DNAH10: variants seen among roughly 807,000 people sequenced by gnomAD.
The protein encoded by DNAH10 is dynein axonemal heavy chain 10, also known as axonemal beta dynein heavy chain 10.
A neutral mutation model predicts 506.6 loss-of-function variants in DNAH10; 348 were observed. The observed-to-expected ratio is 0.69, with a 90% CI of 0.63 to 0.75. DNAH10 has a LOEUF of 0.75. Among genes scored for constraint, DNAH10 ranks in the 30% least tolerant of loss-of-function variants. DNAH10 has a pLI of 0.00. For missense variants in DNAH10, 5,179 were observed against 5,787.1 expected (o/e 0.89, Z 3.41); for synonymous variants, 2,059 against 2,198.6 (o/e 0.94, Z 1.78).
Position 123,914,315 on chromosome 12 carries a change from T to C in DNAH10, c.10353-14T>C. On this transcript the variant is annotated splice_polypyrimidine_tract_variant and intron_variant, in intron 60 of 78. Transcript: ENST00000673944. ...AGGTAAACTCACGGCAGCCTCCCTC[T>C]CCTCCCGTGCCAGGTGGCTGAACGA... 1 of 1,607,304 alleles carries C rather than the reference T, an allele frequency of 6.2e-7. No homozygotes were observed. Among genetic ancestry groups the C allele is most frequent in the South Asian group, 1.1e-5 (1 of 90,530 alleles).
intron 32 of DNAH10, 92 bp from the exon 33 acceptor site, chr12:123,847,869 C>T (rs1951018967): frequency 5.4e-6 from 8 of 1,485,772 alleles, no homozygotes; most frequent in Non-Finnish European, 7.2e-6. Flanking sequence ...TTTCTCTATT[C>T]TGCACCTATA....
chr12:123,868,265 C>T (rs1002718524), intron 43 of DNAH10, 146 bp downstream of exon 43: 1 of 749,854 alleles, frequency 1.3e-6, no homozygotes, highest in Middle Eastern at 3.8e-4. Context: ...GGTCAGAGCA[C>T]ATGGCGGAAC....
At chr12:123,858,500 G>A (rs1239666366) in intron 37 of DNAH10, among the ~76,000 whole-genome samples, 1 of 152,268 alleles carries the variant, frequency 6.6e-6, no homozygotes, top group East Asian at 1.9e-4. Context: ...ATAAAATGGT[G>A]CAGCCACTTT....
chr12:123,919,051 ATTTTTTC>A lies in DNAH10; in HGVS notation c.11506+113_11506+119del. On this transcript the variant is annotated intron_variant, in intron 65 of 78. Coordinates refer to ENST00000673944, the MANE Select transcript of DNAH10 (RefSeq NM_001372106.1). This position sits in a 1 kb window ranked among gnomAD's most constrained non-coding sequence, Gnocchi z 4.9. Reference sequence around the variant, plus strand: ...TGAAAATGGAAAGTTACCAAATAGCATTTTTTCTTTTTTCTTTCTTTCTTTCTTTTTC... The same window carrying A: ...TGAAAATGGAAAGTTACCAAATAGCATTTTTTCTTTCTTTCTTTCTTTTTC... The A allele has an allele frequency of 7.5e-7, 1 of 1,340,702 alleles. No homozygotes were observed. 83.1% of individuals were successfully genotyped at this position (1,340,702 alleles called of 1,614,324 possible).
intron 16 of DNAH10, among the ~76,000 whole-genome samples, chr12:123,803,156 T>C (rs1380705684): frequency 6.6e-6 from 1 of 152,212 alleles, no homozygotes; most frequent in Non-Finnish European, 1.5e-5. Context: ...AGTTTTTTTC[T>C]CTCCTTGTGT....
chr12:123,838,285 G>A lies in DNAH10; in HGVS notation c.4903-171G>A, dbSNP rs139636404. Among the ~76,000 whole-genome samples the A allele has an allele frequency of 2.3e-3, 343 of 152,320 alleles. 3 individuals carry two copies. Among genetic ancestry groups the A allele is most frequent in the African/African-American group, 8.0e-3 (332 of 41,568 alleles). On this transcript the variant is annotated intron_variant, in intron 28 of 78. Coordinates refer to ENST00000673944, the MANE Select transcript of DNAH10 (RefSeq NM_001372106.1). ...GTACATTAGAAGGTGCTAAGGATAT[G>A]CATGTTTAAAAATGATAAATGGATC...
intron 47 of DNAH10, 41 bp downstream of exon 47, chr12:123,875,532 G>T (rs1482613952): frequency 6.2e-7 from 1 of 1,608,288 alleles, no homozygotes; most frequent in Admixed American, 1.7e-5. Flanking sequence ...GGAAGACCTT[G>T]TGTTGGGGGG....
intron 18 of DNAH10, among the ~76,000 whole-genome samples, chr12:123,808,037 T>C (rs147668092): frequency 2.2e-3 from 16 of 7,120 alleles, no homozygotes; most frequent in African/African-American, 7.6e-3. Context: ...TGTTTTTGTT[T>C]TGTTTTGTTT....
intron 3 of DNAH10, 136 bp from the exon 4 acceptor site, chr12:123,772,698 G>A (rs1305085679): frequency 3.1e-6 from 2 of 644,492 alleles, no homozygotes; most frequent in East Asian, 2.9e-5. Context: ...TACCCACTGT[G>A]TGGCTGTGGC....
At chr12:123,929,944 T>C (rs1955131074) in intron 72 of DNAH10, 185 bp downstream of exon 72, 2 of 625,264 alleles carry the variant, frequency 3.2e-6, no homozygotes, top group Non-Finnish European at 5.6e-6. Context: ...TCTGTTCACA[T>C]GGAGGTTCCC....
chr12:123,895,572 T>C (rs1185531486), intron 54 of DNAH10, among the ~76,000 whole-genome samples: 1 of 152,188 alleles, frequency 6.6e-6, no homozygotes, highest in Admixed American at 6.5e-5. Context: ...AAAGCAGTCA[T>C]AGACAATACG....
At chr12:123,826,966 C>A in intron 25 of DNAH10, 68 bp downstream of exon 25, 1 of 1,420,442 alleles carries the variant, frequency 7.0e-7, no homozygotes, top group Non-Finnish European at 9.6e-7. Context: ...TTGTTTCCCT[C>A]AGTACATTAT....
intron 29 of DNAH10, among the ~76,000 whole-genome samples, chr12:123,839,113 C>T (rs1204862563): frequency 6.6e-6 from 1 of 151,860 alleles, no homozygotes; most frequent in South Asian, 2.1e-4. Context: ...ACTCAGCCCT[C>T]GAGTTTTAAT....
At chr12:123,878,520 G>A (rs1306635262) in intron 48 of DNAH10, among the ~76,000 whole-genome samples, 1 of 152,224 alleles carries the variant, frequency 6.6e-6, no homozygotes, top group East Asian at 1.9e-4. Flanking sequence ...GGCAGCTCCA[G>A]GTGTTTCAGG....
In DNAH10 at chr12:123,844,787, T is replaced by C. The variant is rs143454970; in HGVS notation, c.5361-813T>C. ...CTGAATAGCTGGGACCACAGGCATG[T>C]ACCACCACATCTGGCTAATTTTTGT... On this transcript the variant is annotated intron_variant, in intron 30 of 78. Coordinates refer to ENST00000673944, the MANE Select transcript of DNAH10 (RefSeq NM_001372106.1). Among the ~76,000 whole-genome samples, 1,475 of 152,160 alleles carry C rather than the reference T, an allele frequency of 9.7e-3. 16 individuals carry two copies. Among genetic ancestry groups the C allele is most frequent in the African/African-American group, 0.034 (1,392 of 41,500 alleles).
chr12:123,774,295 A>G, intron 5 of DNAH10, 31 bp downstream of exon 5: 2 of 1,505,228 alleles, frequency 1.3e-6, no homozygotes, highest in African/African-American at 1.4e-5. Flanking sequence ...AAATTCTAGT[A>G]TTTCTAAAGT....
chr12:123,820,504 T>G (rs531716504), intron 23 of DNAH10, 76 bp from the exon 24 acceptor site: 5 of 1,391,126 alleles, frequency 3.6e-6, no homozygotes, highest in African/African-American at 1.4e-5. Flanking sequence ...TTGAGATACA[T>G]TATGCATGAT....
At position 123,893,571 on chromosome 12, in the gene DNAH10, G is replaced by C. The variant is rs1953084813; in HGVS notation, c.9199+135G>C. The C allele has an allele frequency of 5.1e-6, 5 of 986,052 alleles. No individual in the cohort carries two copies. The East Asian group carries it at 1.3e-4, about 26-fold the overall frequency. The allele number at this position is 986,052 out of a possible 1,614,324, so 61.1% of individuals were successfully genotyped here. ...GCCATTAGGTGGAAATGTGGGCTCT[G>C]CACTGTAGCTTGGGGCTCACTGCCC... On this transcript the variant is annotated intron_variant, in intron 53 of 78. Transcript: ENST00000673944.
intron 38 of DNAH10, 92 bp from the exon 39 acceptor site, chr12:123,860,920 C>G: frequency 6.4e-7 from 1 of 1,564,998 alleles, no homozygotes; most frequent in Non-Finnish European, 8.8e-7. Context: ...GGATTAAAGT[C>G]AAAACATCTA....
Sources: allele counts gnomAD v4.1 joint callset (sites outside exome capture counted in the v4.1 genomes callset), GRCh38; gene constraint gnomAD v4.1.1; non-coding constraint Gnocchi (gnomAD v3.1); transcripts MANE v1.5; gene names NCBI Gene and HGNC (gene_info 2026-07-23, HGNC 2026-07-21).